Variants in KATNIP observed in about 807,000 individuals in gnomAD.
KATNIP encodes the protein katanin interacting protein.
In KATNIP, 126 loss-of-function variants were observed where a neutral mutation model predicts 174.0. That is an observed-to-expected ratio of 0.72 (90% CI 0.63 to 0.84). The LOEUF (loss-of-function observed/expected upper bound fraction) is 0.84, where lower values mean the gene tolerates loss of function less well. KATNIP is among the 40% of genes least tolerant of loss of function. The pLI is 0.00. For missense variants in KATNIP, 1,958 were observed against 2,109.7 expected, an observed-to-expected ratio of 0.93 and a Z score of 1.41; for synonymous variants, 810 against 835.7, an observed-to-expected ratio of 0.97 and a Z score of 0.53.
intron 6 of KATNIP, among the ~76,000 whole-genome samples, chr16:27,662,503 G>T (rs1337139671): frequency 1.3e-5 from 2 of 152,104 alleles, no homozygotes; most frequent in Non-Finnish European, 2.9e-5. Context: ...GGGCAGGTGG[G>T]TCAGACAGCA....
At chr16:27,661,453 A>G (rs1041489257) in intron 6 of KATNIP, among the ~76,000 whole-genome samples, 1 of 151,618 alleles carries the variant, frequency 6.6e-6, no homozygotes, top group African/African-American at 2.4e-5. Flanking sequence ...GTGCAATGGC[A>G]TGGTCTCGGC....
intron 6 of KATNIP, among the ~76,000 whole-genome samples, chr16:27,668,316 T>C (rs1389609658): frequency 6.6e-6 from 1 of 152,106 alleles, no homozygotes; most frequent in African/African-American, 2.4e-5. Flanking sequence ...TGGGAGGTGA[T>C]TGAATTATGG....
chr16:27,697,438 G>A (rs907656133), intron 8 of KATNIP, among the ~76,000 whole-genome samples: 11 of 151,944 alleles, frequency 7.2e-5, no homozygotes, highest in African/African-American at 2.7e-4. Context: ...TATGCTTGTT[G>A]GATGCATGTC....
Position 27,618,440 on chromosome 16 carries a change from A to G in KATNIP, c.79A>G (p.Met27Val), listed in dbSNP as rs1216093663. The change falls in exon 3 of 28, where the codon ATG becomes GTG. Residue 27 changes from methionine (M) to valine (V), a missense_variant. Physicochemically the swap from Met to Val is conservative, Grantham distance 21. Transcript: ENST00000261588. ...REKKEGYAKD[M>V]VTDFDEKHDE... ...TTCATTTCAGGGTTACGCTAAGGAC[A>G]TGGTGACAGACTTTGATGAGAAACA... 1 of 1,612,932 alleles carries G rather than the reference A, an allele frequency of 6.2e-7. No homozygotes were observed. Among genetic ancestry groups the G allele is most frequent in the Non-Finnish European group, 8.5e-7 (1 of 1,179,030 alleles).
chr16:27,643,017 G>A (rs1567243115), intron 5 of KATNIP, among the ~76,000 whole-genome samples: 1 of 152,134 alleles, frequency 6.6e-6, no homozygotes, highest in Non-Finnish European at 1.5e-5. Context: ...TCTAGCCTCA[G>A]CCCGTATTTG....
rs1285133857 is a variant in KATNIP, at chr16:27,698,251, A to C, written c.941-77A>C. Reference sequence around the variant, plus strand: ...CCAGTTGTTTTATAGAATGTTCCTCAATTGGGGTCTAATGGGTTGTGAGCT... The same window carrying C: ...CCAGTTGTTTTATAGAATGTTCCTCCATTGGGGTCTAATGGGTTGTGAGCT... On this transcript the variant is annotated intron_variant, in intron 8 of 27. Coordinates refer to ENST00000261588, the MANE Select transcript of KATNIP (RefSeq NM_015202.5). The C allele has an allele frequency of 1.0e-5, 14 of 1,394,564 alleles. No individual in the cohort carries two copies. In the East Asian group the frequency reaches 3.1e-4, roughly 30 times the overall value. The allele number at this position is 1,394,564 out of a possible 1,614,324, so 86.4% of individuals were successfully genotyped here.
intron 14 of KATNIP, among the ~76,000 whole-genome samples, chr16:27,738,847 G>A (rs928957999): frequency 1.8e-4 from 28 of 152,312 alleles, no homozygotes; most frequent in Middle Eastern, 6.8e-3. Context: ...TCAGGTGCTC[G>A]TGGGGTGCTC....
At chr16:27,577,095 T>A (rs2090526904) in intron 2 of KATNIP, among the ~76,000 whole-genome samples, 1 of 152,234 alleles carries the variant, frequency 6.6e-6, no homozygotes, top group South Asian at 2.1e-4. Context: ...AGATATGTTG[T>A]ATCTAGCTCG....
chr16:27,666,848 A>G (rs2077704975), intron 6 of KATNIP, among the ~76,000 whole-genome samples: 1 of 152,060 alleles, frequency 6.6e-6, no homozygotes, highest in South Asian at 2.1e-4. Flanking sequence ...CCACTTTATT[A>G]TGGACGTGGA....
chr16:27,751,819 C>T lies in KATNIP; in HGVS notation c.3447C>T (p.Ser1149=), dbSNP rs1255503055. The change falls in exon 17 of 28, where the codon AGC becomes AGT. Residue 1149 remains serine, a synonymous_variant. Transcript: ENST00000261588. ...AGATGTTTGACCTGGATGTGGGGAG[C>T]CTGGACAGCCTGCAGGATGAAGAGG... ...SDEMFDLDVG[S]LDSLQDEEAM... 1.2e-6 allele frequency: 2 copies of T among 1,614,194 alleles called. No homozygotes were observed. Among genetic ancestry groups the T allele is most frequent in the Non-Finnish European group, 1.7e-6 (2 of 1,180,032 alleles).
Position 27,777,070 on chromosome 16 carries a change from C to A in KATNIP, c.4551+41C>A. On this transcript the variant is annotated intron_variant, in intron 25 of 27. Coordinates refer to ENST00000261588, the MANE Select transcript of KATNIP (RefSeq NM_015202.5). This position sits in a 1 kb window ranked among gnomAD's most constrained non-coding sequence, Gnocchi z 4.4. ...CTGAGTTTTTTGAGATAATTATGCTCGTTGGTAATTAGGCCGCCGGCAATT... is the reference window on the plus strand; with the variant it reads ...CTGAGTTTTTTGAGATAATTATGCTAGTTGGTAATTAGGCCGCCGGCAATT... 7.7e-7 allele frequency: 1 copy of A among 1,298,900 alleles called. No homozygotes were observed. The highest frequency in any genetic ancestry group is 1.2e-5 in the South Asian group (1 of 83,360). 80.5% of individuals were successfully genotyped at this position (1,298,900 alleles called of 1,614,324 possible). A position where few individuals can be genotyped will look rare whatever the true frequency, so the allele number is the denominator to read the frequency against.
chr16:27,767,384 C>T (rs1038465942), intron 20 of KATNIP, among the ~76,000 whole-genome samples: 12 of 152,186 alleles, frequency 7.9e-5, no homozygotes, highest in African/African-American at 2.9e-4. Flanking sequence ...ATCTGGGCTC[C>T]CCACCATATA....
Position 27,661,374 on chromosome 16 carries a change from A to G in KATNIP, c.540+12639A>G, listed in dbSNP as rs545464073. 5.3e-5 allele frequency among the ~76,000 whole-genome samples: 8 copies of G among 152,090 alleles called. No individual in the cohort carries two copies. In the South Asian group the frequency reaches 1.2e-3, roughly 24 times the overall value. ...TTTTTAGGTTTAAGAGAAGCCAGGTATCTGGGTTTCTGGGTTTCTTTCTTT... is the reference window on the plus strand; with the variant it reads ...TTTTTAGGTTTAAGAGAAGCCAGGTGTCTGGGTTTCTGGGTTTCTTTCTTT... On this transcript the variant is annotated intron_variant, in intron 6 of 27. Coordinates refer to ENST00000261588, the MANE Select transcript of KATNIP (RefSeq NM_015202.5).
chr16:27,658,500 A>G (rs1303823900), intron 6 of KATNIP, among the ~76,000 whole-genome samples: 1 of 152,222 alleles, frequency 6.6e-6, no homozygotes, highest in Non-Finnish European at 1.5e-5. Context: ...ATATTTTAAA[A>G]AATCAAAATT....
rs28608079 is a variant in KATNIP, at chr16:27,555,375, G to C, written c.7+5198G>C. 8.0e-3 allele frequency among the ~76,000 whole-genome samples: 1,216 copies of C among 152,280 alleles called. 16 individuals carry two copies. Among genetic ancestry groups the C allele is most frequent in the African/African-American group, 0.028 (1,159 of 41,550 alleles). On this transcript the variant is annotated intron_variant, in intron 1 of 27. Coordinates refer to ENST00000261588, the MANE Select transcript of KATNIP (RefSeq NM_015202.5). ...AGGTCCTATCTGTTTCTGTGATGCA[G>C]TGTAATGTCCTTAGGTTTGGGGGCC...
intron 22 of KATNIP, among the ~76,000 whole-genome samples, chr16:27,771,885 T>C (rs918014647): frequency 6.6e-6 from 1 of 152,092 alleles, no homozygotes; most frequent in African/African-American, 2.4e-5. Flanking sequence ...CACCCAGGAC[T>C]CCAGCTGGGA....
At chr16:27,617,844 C>T (rs1013808363) in intron 2 of KATNIP, among the ~76,000 whole-genome samples, 1 of 152,134 alleles carries the variant, frequency 6.6e-6, no homozygotes, top group African/African-American at 2.4e-5. Flanking sequence ...AGGCAGTCCT[C>T]CCCCTTCAGC....
In KATNIP at chr16:27,631,130, C is replaced by T; in HGVS notation, c.376C>T (p.Pro126Ser). ...CTTAAGACGCAGTTCACGGACAGCC[C>T]CCAGTAAAGTCCAGCGCCGAGGATG... The part of the protein sequence containing the change: ...EALRRSSRTA[P>S]SKVQRRGWHQ... The change falls in exon 5 of 28, where the codon CCC (proline) becomes TCC (serine). Residue 126 changes from proline to serine, a missense_variant. Coordinates refer to ENST00000261588, the MANE Select transcript of KATNIP (RefSeq NM_015202.5). The T allele has an allele frequency of 1.3e-6, 2 of 1,575,410 alleles. No individual in the cohort carries two copies. Among genetic ancestry groups the T allele is most frequent in the South Asian group, 2.3e-5 (2 of 85,916 alleles).
At chr16:27,726,305 G>T (rs1843367198) in intron 14 of KATNIP, among the ~76,000 whole-genome samples, 1 of 152,138 alleles carries the variant, frequency 6.6e-6, no homozygotes, top group Admixed American at 6.5e-5. Flanking sequence ...TGCCCAAAAG[G>T]TTGGGGACCG....
Sources: gnomAD v4.1 joint callset for allele counts (sites outside exome capture counted in the v4.1 genomes callset) on GRCh38, gnomAD v4.1.1 for gene constraint, Gnocchi (gnomAD v3.1) non-coding constraint, MANE v1.5 for transcripts, NCBI Gene and HGNC (gene_info 2026-07-23, HGNC 2026-07-21) for gene names.